Variants in ZSCAN23 observed in about 807,000 individuals in gnomAD.
ZSCAN23 encodes the protein zinc finger and SCAN domain-containing protein 23.
A neutral mutation model predicts 19.3 loss-of-function variants in ZSCAN23; 19 were observed. The observed-to-expected ratio is 0.99, with a 90% CI of 0.69 to 1.45. The LOEUF (loss-of-function observed/expected upper bound fraction) is 1.45. ZSCAN23 is among the 40% of genes most tolerant of loss of function. The probability of loss-of-function intolerance (pLI) is 0.00; values close to 1 mark genes in which losing one functional copy is unlikely to be tolerated. For synonymous variants in ZSCAN23, 140 were observed against 166.2 expected (o/e 0.84, Z 1.21); for missense variants, 372 against 462.5 (o/e 0.80, Z 1.79).
chr6:28,424,261 T>C, the ZSCAN23 span, among the ~76,000 whole-genome samples: 2 of 152,210 alleles, frequency 1.3e-5, no homozygotes, highest in African/African-American at 4.8e-5. Context: ...AAAATGCATA[T>C]ACCTTAATTA....
downstream of ZSCAN23, among the ~76,000 whole-genome samples, chr6:28,427,859 C>T (rs537132125): frequency 5.3e-5 from 8 of 152,112 alleles, no homozygotes; most frequent in Non-Finnish European, 1.0e-4. Flanking sequence ...GCGGGTGGAT[C>T]ACCTGAGGTC....
chr6:28,434,598 G>A lies in ZSCAN23; in HGVS notation c.1037C>T (p.Ser346Leu), dbSNP rs1005657284. The stretch of plus-strand genomic sequence containing the variant: ...AATTCTCTGATGCTTAATGAGGACT[G>A]AACGTCGACTAAAACTCTTATTGCA... The part of the protein sequence containing the change: ...NQCNKSFSRR[S>L]VLIKHQRIHT... The change falls in exon 4 of 4, where the codon TCA becomes TTA. Residue 346 changes from serine (S) to leucine (L), a missense_variant. Coordinates refer to ENST00000289788, the MANE Select transcript of ZSCAN23 (RefSeq NM_001012455.2). The A allele has an allele frequency of 2.6e-6, 4 of 1,555,426 alleles. No homozygotes were observed. The highest frequency in any genetic ancestry group is 3.5e-6 in the Non-Finnish European group (4 of 1,149,274).
chr6:28,428,959 C>T (rs1056507078), downstream of ZSCAN23, among the ~76,000 whole-genome samples: 17 of 152,216 alleles, frequency 1.1e-4, no homozygotes, highest in African/African-American at 4.1e-4. Context: ...ACTCTCTACT[C>T]TCTTTGCCCC....
Position 28,434,934 on chromosome 6 carries a change from C to G in ZSCAN23, c.701G>C (p.Gly234Ala), listed in dbSNP as rs1761847125. 1 of 1,551,934 alleles carries G rather than the reference C, an allele frequency of 6.4e-7. No homozygotes were observed. Among genetic ancestry groups the G allele is most frequent in the Admixed American group, 2.0e-5 (1 of 50,990 alleles). ...PEYGDTCDRE[G>A]RLEKQRVSSS... is the part of the protein sequence containing the mutation. Reference sequence around the variant, plus strand: ...GCTCACCCTTTGCTTTTCCAATCTGCCCTCACGGTCACAGGTATCTCCATA... The same window carrying G: ...GCTCACCCTTTGCTTTTCCAATCTGGCCTCACGGTCACAGGTATCTCCATA... The change falls in exon 4 of 4, where the codon GGC (glycine) becomes GCC (alanine). Residue 234 changes from glycine (G) to alanine (A), a missense_variant. Gly to Ala is a moderately conservative substitution (Grantham distance 60, BLOSUM62 0). Transcript: ENST00000289788.
At chr6:28,429,863 C>T (rs1401128677), downstream of ZSCAN23, among the ~76,000 whole-genome samples, 1 of 152,164 alleles carries the variant, frequency 6.6e-6, no homozygotes, top group African/African-American at 2.4e-5. Context: ...GACCAGGACA[C>T]CGCCTACACA....
the ZSCAN23 span, among the ~76,000 whole-genome samples, chr6:28,422,616 G>A: frequency 6.6e-6 from 1 of 152,076 alleles, no homozygotes; most frequent in Non-Finnish European, 1.5e-5. The surrounding 1 kb of genome is among the most constrained non-coding windows in gnomAD (Gnocchi z 4.0). Context: ...ACATTCTCCT[G>A]TCTTTGCGAT....
At chr6:28,438,181 C>T (rs1761930863) in intron 1 of ZSCAN23, among the ~76,000 whole-genome samples, 1 of 152,114 alleles carries the variant, frequency 6.6e-6, no homozygotes, top group African/African-American at 2.4e-5. Context: ...ACTGCAACCT[C>T]CGCCTCCTGG....
the ZSCAN23 span, among the ~76,000 whole-genome samples, chr6:28,426,112 C>T: frequency 3.8e-4 from 58 of 152,300 alleles, no homozygotes; most frequent in African/African-American, 4.6e-4. Flanking sequence ...AAACTTTCTC[C>T]GTATCAGCAA....
chr6:28,442,218 A>G (rs780587513), intron 1 of ZSCAN23, among the ~76,000 whole-genome samples: 1 of 152,058 alleles, frequency 6.6e-6, no homozygotes, highest in Non-Finnish European at 1.5e-5. Context: ...AAGTTAGTTG[A>G]TTTTTCTAAG....
At chr6:28,435,435 T>C (rs1581804147) in intron 3 of ZSCAN23, 25 bp downstream of exon 3, 2 of 1,548,674 alleles carry the variant, frequency 1.3e-6, no homozygotes, top group Middle Eastern at 1.7e-4. Context: ...TGAGGTAGGC[T>C]GTCTGAGGAA....
chr6:28,423,303 C>T, the ZSCAN23 span, among the ~76,000 whole-genome samples: 1,577 of 152,352 alleles, frequency 0.01, 33 homozygotes, highest in African/African-American at 0.034. Flanking sequence ...GCCATTTTCT[C>T]TAACTACGCT....
At position 28,435,871 on chromosome 6, in the gene ZSCAN23, G is replaced by T. The variant is rs1201361503; in HGVS notation, c.396C>A (p.Asp132Glu). Residue 132 changes from aspartate to glutamate, a missense_variant, in exon 2 of 4, where the codon GAC becomes GAA. Coordinates refer to ENST00000289788, the MANE Select transcript of ZSCAN23 (RefSeq NM_001012455.2). ...VLEDLERELD[D>E]PGEQVLSHAH... Reference sequence around the variant, plus strand: ...CCCATCTTCTCACCTGCTCTCCTGGGTCATCCAGCTCTCTCTCCAAATCCT... The same window carrying T: ...CCCATCTTCTCACCTGCTCTCCTGGTTCATCCAGCTCTCTCTCCAAATCCT... 6.3e-7 allele frequency: 1 copy of T among 1,597,548 alleles called. No individual in the cohort carries two copies. Among genetic ancestry groups the T allele is most frequent in the East Asian group, 2.2e-5 (1 of 44,820 alleles).
Position 28,434,794 on chromosome 6 carries a change from C to T in ZSCAN23, c.841G>A (p.Glu281Lys). Residue 281 changes from glutamate to lysine, a missense_variant, in exon 4 of 4, where the codon GAG (glutamate) becomes AAG (lysine). Physicochemically the swap from Glu to Lys is moderately conservative, Grantham distance 56. Transcript: ENST00000289788. Reference protein sequence around the residue: ...HTGEKPYECDECGRAFSQRSG... With the variant: ...HTGEKPYECDKCGRAFSQRSG... Reference sequence around the variant, plus strand: ...CTCTGGCTGAAGGCCCGCCCACACTCATCACATTCATAAGGCTTCTCACCT... The same window carrying T: ...CTCTGGCTGAAGGCCCGCCCACACTTATCACATTCATAAGGCTTCTCACCT... The T allele has an allele frequency of 6.2e-7, 1 of 1,600,514 alleles. No homozygotes were observed. Among genetic ancestry groups the T allele is most frequent in the Non-Finnish European group, 8.5e-7 (1 of 1,173,256 alleles).
chr6:28,440,691 G>A (rs1282945873), intron 1 of ZSCAN23, among the ~76,000 whole-genome samples: 1 of 152,142 alleles, frequency 6.6e-6, no homozygotes, highest in Non-Finnish European at 1.5e-5. Context: ...TCAAGTCAAA[G>A]TTTTTCTATT....
chr6:28,427,611 G>C (rs911437430), downstream of ZSCAN23, among the ~76,000 whole-genome samples: 1 of 152,034 alleles, frequency 6.6e-6, no homozygotes, highest in African/African-American at 2.4e-5. Context: ...ACACAGAAAA[G>C]GTATAGTAAA....
intron 2 of ZSCAN23, 114 bp downstream of exon 2, chr6:28,435,745 C>G: frequency 7.0e-7 from 1 of 1,424,000 alleles, no homozygotes; most frequent in Non-Finnish European, 9.3e-7. Context: ...TAAAAGCCTA[C>G]AGAAGATCAA....
downstream of ZSCAN23, among the ~76,000 whole-genome samples, chr6:28,428,417 ATTTAT>A (rs2114026592): frequency 6.6e-6 from 1 of 152,310 alleles, no homozygotes; most frequent in Admixed American, 6.5e-5. Flanking sequence ...CCCTGGCTAC[ATTTAT>A]TTTATTTAAA....
rs1761825264 is a variant in ZSCAN23 at position 28,434,448 on chromosome 6, C to T, written c.*17G>A. 1 of 1,517,974 alleles carries T rather than the reference C, an allele frequency of 6.6e-7. No homozygotes were observed. The allele number at this position is 1,517,974 out of a possible 1,614,324, so 94.0% of individuals were successfully genotyped here. On this transcript the variant is annotated 3_prime_UTR_variant, in exon 4 of 4. Coordinates refer to ENST00000289788, the MANE Select transcript of ZSCAN23 (RefSeq NM_001012455.2). ...GGGACAAAGTAAGAAATATTATCCC[C>T]TACCTGTTCCAAGGAGCTAGCTTGA... is the stretch of plus-strand genomic sequence containing the variant.
the ZSCAN23 span, among the ~76,000 whole-genome samples, chr6:28,425,464 A>G: frequency 6.6e-6 from 1 of 152,094 alleles, no homozygotes; most frequent in Non-Finnish European, 1.5e-5. Context: ...AGTAGCTGGG[A>G]CCACAGGTGT....
Sources: allele counts gnomAD v4.1 joint callset (sites outside exome capture counted in the v4.1 genomes callset), GRCh38; gene constraint gnomAD v4.1.1; non-coding constraint Gnocchi (gnomAD v3.1); transcripts MANE v1.5; gene names NCBI Gene and HGNC (gene_info 2026-07-23, HGNC 2026-07-21).